Variants in IKBKB observed in about 807,000 individuals in gnomAD.
The protein encoded by IKBKB is inhibitor of nuclear factor kappa B kinase subunit beta.
A neutral mutation model predicts 113.6 loss-of-function variants in IKBKB; 42 were observed. The ratio of observed to expected loss-of-function variants is 0.37; its 90% CI spans 0.29 to 0.48. IKBKB has a LOEUF of 0.48. Ranked by LOEUF, IKBKB falls within the 20% of genes least tolerant of loss-of-function variation. The pLI is 0.99. For synonymous variants in IKBKB, 296 were observed against 361.3 expected (o/e 0.82, Z 2.05); for missense variants, 673 against 939.7 (o/e 0.72, Z 3.71).
intron 20 of IKBKB, among the ~76,000 whole-genome samples, chr8:42,327,804 G>GTTTTTTTTTTTTTT (rs1821069539): frequency 5.4e-4 from 8 of 14,838 alleles, no homozygotes; most frequent in East Asian, 0.012. Flanking sequence ...GGCTAATTTT[G>GTTTTTTTTTTTTTT]TATTTTTTTT....
At position 42,316,900 on chromosome 8, in the gene IKBKB, G is replaced by C. The variant is rs1434387039; in HGVS notation, c.1121G>C (p.Gly374Ala). 9.9e-6 allele frequency: 16 copies of C among 1,613,756 alleles called. No homozygotes were observed. The highest frequency in any genetic ancestry group is 1.4e-5 in the Non-Finnish European group (16 of 1,179,904). ...DKPATQCISD[G>A]KLNEGHTLDM... is the part of the protein sequence containing the mutation. ...CCTGCCACTCAGTGTATTTCAGACG[G>C]CAAGGTGAGCCCTGGCTTCGTACAC... Residue 374 changes from glycine (G) to alanine (A), a missense_variant, in exon 11 of 22, where the codon GGC becomes GCC. Physicochemically the swap from Gly to Ala is moderately conservative, Grantham distance 60 (BLOSUM62 0). Coordinates refer to ENST00000520810, the MANE Select transcript of IKBKB (RefSeq NM_001556.3). This position sits in a 1 kb window ranked among gnomAD's most constrained non-coding sequence, Gnocchi z 4.5.
chr8:42,309,540 AGGCCAGCAGTTCCAGACCAGCCT>A (rs1296883354), intron 8 of IKBKB: 1 of 368,542 alleles, frequency 2.7e-6, no homozygotes, highest in African/African-American at 2.1e-5. Context: ...GGATCAGTTG[AGGCCAGCAGTTCCAGACCAGCCT>A]GGCCAACATG....
rs1396231445 is a variant in IKBKB, at chr8:42,320,812, G to C, written c.1656G>C (p.Met552Ile). The C allele has an allele frequency of 1.2e-6, 2 of 1,606,008 alleles. No homozygotes were observed. Among genetic ancestry groups the C allele is most frequent in the Admixed American group, 3.4e-5 (2 of 58,964 alleles). The change falls in exon 16 of 22, where the codon ATG (methionine) becomes ATC (isoleucine). Residue 552 changes from methionine (M) to isoleucine (I), a missense_variant. Met to Ile is a conservative substitution (Grantham distance 10, BLOSUM62 1). Transcript: ENST00000520810. ...TDIVDLQRSP[M>I]GRKQGGTLDD... ...TTGTGGACTTACAGAGGAGCCCCAT[G>C]GGCCGGAAGCAGGGGGGAACGCTGG...
At chr8:42,282,374 T>A (rs1810547414) in intron 2 of IKBKB, among the ~76,000 whole-genome samples, 4 of 152,182 alleles carry the variant, frequency 2.6e-5, no homozygotes, top group Admixed American at 2.0e-4. Flanking sequence ...GGCTAGTTTT[T>A]AAAAATATTT....
intron 1 of IKBKB, chr8:42,271,812 C>T (rs922313084): frequency 3.0e-5 from 16 of 528,276 alleles, no homozygotes; most frequent in African/African-American, 1.6e-4. Flanking sequence ...GGGATCCCCT[C>T]GCTAGGGCAA....
intron 8 of IKBKB, among the ~76,000 whole-genome samples, chr8:42,311,149 C>T (rs1381761391): frequency 6.6e-6 from 1 of 152,262 alleles, no homozygotes; most frequent in African/African-American, 2.4e-5. Context: ...GGAGTGTGGA[C>T]ACTGCCCCTT....
At chr8:42,311,606 G>C (rs1433464613) in intron 8 of IKBKB, among the ~76,000 whole-genome samples, 10 of 150,900 alleles carry the variant, frequency 6.6e-5, no homozygotes, top group African/African-American at 2.4e-4. Context: ...AAAGAATAAA[G>C]TGTATCCTTT....
At chr8:42,325,829 G>T (rs1288557277) in intron 19 of IKBKB, 141 bp from the exon 20 acceptor site, 15 of 1,491,342 alleles carry the variant, frequency 1.0e-5, no homozygotes, top group Admixed American at 9.1e-5. Flanking sequence ...TGACCCGCAG[G>T]TGGGGGTGCC....
In IKBKB at chr8:42,327,849, GCCGGACTGCGGACTGCA is replaced by G. The variant is rs2130727035; in HGVS notation, c.2115-1274_2115-1258del. On this transcript the variant is annotated intron_variant, in intron 20 of 21. Coordinates refer to ENST00000520810, the MANE Select transcript of IKBKB (RefSeq NM_001556.3). The stretch of plus-strand genomic sequence containing the variant: ...GACGGAGTCTCGCTCTGTTGCCCAG[GCCGGACTGCGGACTGCA>G]GTGGCGCAATCTCGGCTCACTGCAA... 7.4e-5 allele frequency among the ~76,000 whole-genome samples: 2 copies of G among 27,066 alleles called. 1 individual carries two copies. The highest frequency in any genetic ancestry group is 3.5e-4 in the Non-Finnish European group (2 of 5,734). The allele number at this position is 27,066 out of a possible 152,430, so 17.8% of individuals were successfully genotyped here.
chr8:42,281,180 G>GT (rs1211582594), intron 2 of IKBKB, among the ~76,000 whole-genome samples: 1 of 152,178 alleles, frequency 6.6e-6, no homozygotes, highest in Non-Finnish European at 1.5e-5. Flanking sequence ...GCTTCTTGGG[G>GT]TGAATGGAGC....
At chr8:42,314,794 A>G (rs1818372653) in intron 9 of IKBKB, among the ~76,000 whole-genome samples, 1 of 151,726 alleles carries the variant, frequency 6.6e-6, no homozygotes, top group Non-Finnish European at 1.5e-5. Context: ...AAAAAAGAAA[A>G]AAGAAATTCA....
intron 8 of IKBKB, among the ~76,000 whole-genome samples, chr8:42,313,072 T>C (rs1818025202): frequency 6.6e-6 from 1 of 152,224 alleles, no homozygotes; most frequent in African/African-American, 2.4e-5. Flanking sequence ...GAATAAATGA[T>C]CTGTGTCAGA....
rs201869683 is a variant in IKBKB at position 42,330,936 on chromosome 8, A to G, written c.2228A>G (p.Gln743Arg). Residue 743 changes from glutamine (Q) to arginine (R), a missense_variant, in exon 22 of 22, where the codon CAG becomes CGG. Physicochemically the swap from Gln to Arg is conservative, Grantham distance 43 (BLOSUM62 1). Transcript: ENST00000520810. Reference protein sequence around the residue: ...SFTALDWSWLQTEEEEHSCLE... With the variant: ...SFTALDWSWLRTEEEEHSCLE... ...CAGGCCCTAGACTGGAGCTGGTTAC[A>G]GACGGAAGAAGAAGAGCACAGCTGC... The G allele has an allele frequency of 6.2e-7, 1 of 1,614,226 alleles. No homozygotes were observed.
chr8:42,280,822 A>G (rs1810236912), intron 2 of IKBKB, among the ~76,000 whole-genome samples: 1 of 152,168 alleles, frequency 6.6e-6, no homozygotes. Flanking sequence ...TCTATGAAGC[A>G]GCACGGACCT....
Position 42,316,255 on chromosome 8 carries a change from G to C in IKBKB, c.846G>C (p.Met282Ile). The C allele has an allele frequency of 1.2e-6, 2 of 1,614,192 alleles. No homozygotes were observed. Among genetic ancestry groups the C allele is most frequent in the Non-Finnish European group, 8.5e-7 (1 of 1,180,038 alleles). The change falls in exon 10 of 22, where the codon ATG becomes ATC. Residue 282 changes from methionine to isoleucine, a missense_variant. Met to Ile is a conservative substitution (Grantham distance 10). Around this residue, in one of 2 missense-constraint regions of IKBKB, gnomAD observed 506 missense variants for 638.7 expected, o/e 0.79. Coordinates refer to ENST00000520810, the MANE Select transcript of IKBKB (RefSeq NM_001556.3). This position sits in a 1 kb window ranked among gnomAD's most constrained non-coding sequence, Gnocchi z 4.5. ...AGAAGTGGCTGCAACTGATGCTGAT[G>C]TGGCACCCCCGACAGAGGGGCACGG... ...RLEKWLQLML[M>I]WHPRQRGTDP... is the part of the protein sequence containing the mutation.
chr8:42,289,990 G>T (rs1365128102), intron 3 of IKBKB, among the ~76,000 whole-genome samples, 166 bp from the exon 4 acceptor site: 2 of 152,170 alleles, frequency 1.3e-5, no homozygotes, highest in African/African-American at 2.4e-5. Context: ...CTGGGTGAGC[G>T]CCACTGACCC....
intron 20 of IKBKB, among the ~76,000 whole-genome samples, chr8:42,328,876 T>C (rs1040439741): frequency 6.6e-6 from 1 of 152,232 alleles, no homozygotes; most frequent in Middle Eastern, 3.2e-3. Context: ...GTTTTTTTGC[T>C]TCTGACTTTT....
intron 5 of IKBKB, among the ~76,000 whole-genome samples, chr8:42,296,183 A>G (rs542443782): frequency 6.6e-6 from 1 of 152,358 alleles, no homozygotes. Context: ...ATAGCAGTAT[A>G]TAATCTTCTC....
At chr8:42,282,482 T>G (rs1199601635) in intron 2 of IKBKB, among the ~76,000 whole-genome samples, 1 of 152,222 alleles carries the variant, frequency 6.6e-6, no homozygotes, top group Non-Finnish European at 1.5e-5. Context: ...GCTGGGATTA[T>G]AGGTGTGAGC....
Sources: gnomAD v4.1 joint callset for allele counts (sites outside exome capture counted in the v4.1 genomes callset) on GRCh38, gnomAD v4.1.1 for gene constraint, gnomAD v4.1.1 regional missense constraint, Gnocchi (gnomAD v3.1) non-coding constraint, MANE v1.5 for transcripts, NCBI Gene and HGNC (gene_info 2026-07-23, HGNC 2026-07-21) for gene names.